CCDC40: variants seen among roughly 807,000 people sequenced by gnomAD.
CCDC40 encodes coiled-coil domain-containing protein 40.
A neutral mutation model predicts 124.5 loss-of-function variants in CCDC40; 104 were observed. The observed-to-expected ratio is 0.84, with a 90% confidence interval of 0.71 to 0.98. The LOEUF (loss-of-function observed/expected upper bound fraction) is 0.98. CCDC40 is among the 50% of genes least tolerant of loss of function. The pLI is 0.00. For missense variants in CCDC40, 1,463 were observed against 1,503.9 expected, an observed-to-expected ratio of 0.97 and a Z score of 0.45; for synonymous variants, 580 against 602.9, an observed-to-expected ratio of 0.96 and a Z score of 0.56.
chr17:80,099,290 C>CAA (rs879645135), intron 19 of CCDC40, among the ~76,000 whole-genome samples: 1 of 143,198 alleles, frequency 7.0e-6, no homozygotes, highest in African/African-American at 2.6e-5. Flanking sequence ...GACTCCATCT[C>CAA]AAAAAAAAAA....
chr17:80,088,182 G>A (rs2038630336), intron 16 of CCDC40, 80 bp downstream of exon 16: 1 of 916,760 alleles, frequency 1.1e-6, no homozygotes, highest in Non-Finnish European at 1.8e-6. Context: ...GACCATGTAG[G>A]AGGCCAGGTG....
chr17:80,067,714 T>C (rs1480352115), intron 10 of CCDC40: 4 of 1,526,004 alleles, frequency 2.6e-6, no homozygotes, highest in Non-Finnish European at 3.5e-6. Flanking sequence ...GCCTTTTTTA[T>C]ATTGCCTATC....
chr17:80,088,157 C>A, intron 16 of CCDC40, 55 bp downstream of exon 16: 1 of 1,236,514 alleles, frequency 8.1e-7, no homozygotes, highest in Non-Finnish European at 1.2e-6. Flanking sequence ...CACCTACAGG[C>A]CTCTGTCCGT....
intron 10 of CCDC40, among the ~76,000 whole-genome samples, chr17:80,079,507 T>A (rs1052753060): frequency 6.6e-6 from 1 of 152,210 alleles, no homozygotes; most frequent in Non-Finnish European, 1.5e-5. Flanking sequence ...CACACTGTGT[T>A]CTAAATGATG....
intron 3 of CCDC40, among the ~76,000 whole-genome samples, chr17:80,045,431 C>T (rs2037396725): frequency 6.6e-6 from 1 of 152,134 alleles, no homozygotes; most frequent in South Asian, 2.1e-4. Flanking sequence ...AAAATGGATG[C>T]CGGGCACAGT....
In CCDC40 at chr17:80,089,791, A is replaced by T. The variant is rs2038663858; in HGVS notation, c.2739A>T (p.Lys913Asn). ...ACCAGATTATGCTTTGGGAGAAAAA[A>T]ATCCAACTGGCAAAAGAGATGCGTT... ...AEHQIMLWEKKIQLAKEMRSS... is the reference protein window; with the variant it reads ...AEHQIMLWEKNIQLAKEMRSS... Residue 913 changes from lysine (K) to asparagine (N), a missense_variant, in exon 17 of 20, where the codon AAA becomes AAT. Transcript: ENST00000397545. The T allele has an allele frequency of 1.9e-6, 3 of 1,614,136 alleles. No individual in the cohort carries two copies. In the African/African-American group the frequency reaches 4.0e-5, roughly 22 times the overall value.
chr17:80,099,278 A>G (rs1460940488), intron 19 of CCDC40, among the ~76,000 whole-genome samples: 9 of 151,708 alleles, frequency 5.9e-5, no homozygotes, highest in Admixed American at 2.0e-4. Flanking sequence ...GCGACAGAGC[A>G]AGACTCCATC....
intron 13 of CCDC40, among the ~76,000 whole-genome samples, chr17:80,085,328 A>G (rs2038559666): frequency 6.6e-6 from 1 of 152,254 alleles, no homozygotes. Context: ...TCTGAATTCC[A>G]AATAATTTTC....
Position 80,086,284 on chromosome 17 carries a change from GGGA to G in CCDC40, c.2449+71_2449+73del, listed in dbSNP as rs1181006418. 1.5e-6 allele frequency: 2 copies of G among 1,334,898 alleles called. No homozygotes were observed. The highest frequency in any genetic ancestry group is 2.1e-6 in the Non-Finnish European group (2 of 951,594). 82.7% of individuals were successfully genotyped at this position (1,334,898 alleles called of 1,614,324 possible). On this transcript the variant is annotated intron_variant, in intron 14 of 19. Transcript: ENST00000397545. This position sits in a 1 kb window ranked among gnomAD's most constrained non-coding sequence, Gnocchi z 5.5. Reference sequence around the variant, plus strand: ...GCTCTGGGACGTGGGCACCTCCCAGGGGAGGGGCACTCAGTGGGGCACGTCGCT... The same window carrying G: ...GCTCTGGGACGTGGGCACCTCCCAGGGGGGCACTCAGTGGGGCACGTCGCT...
Position 80,050,358 on chromosome 17 carries a change from C to G in CCDC40, c.1159+75C>G, listed in dbSNP as rs775415374. On this transcript the variant is annotated intron_variant, in intron 7 of 19. Coordinates refer to ENST00000397545, the MANE Select transcript of CCDC40 (RefSeq NM_017950.4). ...CAGGGGTGTCTCCATGTACCATGGC[C>G]AGGCATCTAGAAAAGTAAGATGTGT... The G allele has an allele frequency of 2.3e-5, 28 of 1,212,626 alleles. No homozygotes were observed. In the African/African-American group the frequency reaches 2.6e-4, roughly 11 times the overall value. The allele number at this position is 1,212,626 out of a possible 1,614,324, so 75.1% of individuals were successfully genotyped here. A position where few individuals can be genotyped will look rare whatever the true frequency, so the allele number is the denominator to read the frequency against.
chr17:80,098,978 C>CA (rs149775682), intron 19 of CCDC40: 3,875 of 122,162 alleles, frequency 0.032, 151 homozygotes, highest in African/African-American at 0.072. Flanking sequence ...GAGACAGCCT[C>CA]AAAAAAAAAA....
intron 7 of CCDC40, among the ~76,000 whole-genome samples, chr17:80,050,500 A>ATG (rs1224870424): frequency 1.3e-5 from 2 of 152,116 alleles, no homozygotes; most frequent in Non-Finnish European, 2.9e-5. Context: ...CTGGAGTGCA[A>ATG]TGGCGCGATC....
At chr17:80,062,467 AC>A (rs2037929482) in intron 9 of CCDC40, among the ~76,000 whole-genome samples, 1 of 55,808 alleles carries the variant, frequency 1.8e-5, no homozygotes, top group African/African-American at 6.8e-5. Context: ...CCCCCACCCC[AC>A]AACAGGCCCC....
intron 17 of CCDC40, among the ~76,000 whole-genome samples, chr17:80,094,613 T>G (rs911213356): frequency 8.5e-5 from 13 of 152,130 alleles, no homozygotes; most frequent in African/African-American, 3.1e-4. Context: ...AAGAATCACT[T>G]GAACCCGGGA....
In CCDC40 at chr17:80,087,760, T is replaced by C; in HGVS notation, c.2603T>C (p.Phe868Ser). The change falls in exon 15 of 20, where the codon TTC (phenylalanine) becomes TCC (serine). Residue 868 changes from phenylalanine (F) to serine (S), a missense_variant. Transcript: ENST00000397545. This position sits in a 1 kb window ranked among gnomAD's most constrained non-coding sequence, Gnocchi z 4.5. Reference protein sequence around the residue: ...EQNNRVTENEFVRSLKASERE... With the variant: ...EQNNRVTENESVRSLKASERE... ...AACAACCGGGTGACAGAGAATGAGT[T>C]CGTGCGCTCGCTGAAGGTCCGGCCG... is the stretch of plus-strand genomic sequence containing the variant. The C allele has an allele frequency of 6.2e-7, 1 of 1,613,884 alleles. No individual in the cohort carries two copies. Among genetic ancestry groups the C allele is most frequent in the South Asian group, 1.1e-5 (1 of 91,072 alleles).
At chr17:80,067,647 G>T in intron 10 of CCDC40, 1 of 1,536,144 alleles carries the variant, frequency 6.5e-7, no homozygotes, top group African/African-American at 1.4e-5. Flanking sequence ...CTGTTATGGC[G>T]GTGCTGCTGT....
At chr17:80,085,628 A>G (rs1189122743) in intron 13 of CCDC40, among the ~76,000 whole-genome samples, 1 of 144,670 alleles carries the variant, frequency 6.9e-6, no homozygotes, top group Non-Finnish European at 1.5e-5. Flanking sequence ...TCTGCAGCCC[A>G]CTCACAAAGA....
At chr17:80,037,688 A>AAAATATATAT in intron 1 of CCDC40, among the ~76,000 whole-genome samples, 2 of 45,676 alleles carry the variant, frequency 4.4e-5, no homozygotes, top group African/African-American at 1.2e-4. Context: ...TTTTTTAAAA[A>AAAATATATAT]AGATATACAT....
At chr17:80,069,449 T>C (rs7217030) in intron 10 of CCDC40, among the ~76,000 whole-genome samples, 2,249 of 152,256 alleles carry the variant, frequency 0.015, 57 homozygotes, top group African/African-American at 0.052. Context: ...TAAGTCGACC[T>C]GAGGAAGCTG....
Sources: allele counts gnomAD v4.1 joint callset (sites outside exome capture counted in the v4.1 genomes callset), GRCh38; gene constraint gnomAD v4.1.1; non-coding constraint Gnocchi (gnomAD v3.1); transcripts MANE v1.5; gene names NCBI Gene and HGNC (gene_info 2026-07-23, HGNC 2026-07-21).